DSE: variants seen among roughly 807,000 people sequenced by gnomAD.
DSE encodes dermatan-sulfate epimerase.
In DSE, 36 loss-of-function variants were observed where a neutral mutation model predicts 84.4. The observed-to-expected ratio is 0.43, with a 90% CI of 0.33 to 0.56. The LOEUF (loss-of-function observed/expected upper bound fraction) is 0.56. Among genes scored for constraint, DSE ranks in the 20% least tolerant of loss-of-function variants. The pLI is 0.06. For synonymous variants in DSE, 410 were observed against 430.1 expected (o/e 0.95, Z 0.58); for missense variants, 862 against 1,169.6 (o/e 0.74, Z 3.84).
chr6:116,416,702 G>A (rs1782737524), intron 2 of DSE, among the ~76,000 whole-genome samples: 1 of 151,572 alleles, frequency 6.6e-6, no homozygotes, highest in African/African-American at 2.4e-5. Context: ...CCATCATCCT[G>A]GCTATTCTTG....
chr6:116,416,094 A>G (rs992405721), intron 2 of DSE, among the ~76,000 whole-genome samples: 3 of 152,150 alleles, frequency 2.0e-5, no homozygotes, highest in African/African-American at 7.2e-5. Flanking sequence ...CCACCTTCAA[A>G]GCTAGCAACC....
chr6:116,437,336 A>G lies in DSE; in HGVS notation c.2868A>G (p.Ser956=). The G allele has an allele frequency of 6.2e-7, 1 of 1,608,524 alleles. No homozygotes were observed. The highest frequency in any genetic ancestry group is 1.3e-5 in the African/African-American group (1 of 74,786). Residue 956 remains serine (S), a synonymous_variant, in exon 6 of 6, where the codon TCA becomes TCG. Coordinates refer to ENST00000644252, the MANE Select transcript of DSE (RefSeq NM_013352.4). ...GGTTGTACTCTTCTTGTTCCCAATC[A>G]CAGTGTTAGCACTGAAGCTATAAAT... ...LLWLYSSCSQ[S]QC
At position 116,395,269 on chromosome 6, in the gene DSE, C is replaced by T. The variant is rs758162918; in HGVS notation, c.-53-3929C>T. Among the ~76,000 whole-genome samples, 3 of 152,124 alleles carry T rather than the reference C, an allele frequency of 2.0e-5. 1 individual carries two copies. Among genetic ancestry groups the T allele is most frequent in the Non-Finnish European group, 4.4e-5 (3 of 68,002 alleles). The stretch of plus-strand genomic sequence containing the variant: ...TGAAACCCCATCTCTACTAAAAATA[C>T]AAAATATTAGCTGGGCATGGTGGTG... On this transcript the variant is annotated intron_variant, in intron 1 of 5. Coordinates refer to ENST00000644252, the MANE Select transcript of DSE (RefSeq NM_013352.4).
chr6:116,275,529 G>A (rs2498702), intron 2 of DSE, among the ~76,000 whole-genome samples: 3,342 of 152,236 alleles, frequency 0.022, 136 homozygotes, highest in African/African-American at 0.077. Context: ...GGCTGGGTGC[G>A]GTGGCTCACG....
intron 2 of DSE, among the ~76,000 whole-genome samples, chr6:116,354,062 TA>T (rs561661220): frequency 9.8e-5 from 15 of 152,300 alleles, no homozygotes; most frequent in Admixed American, 2.6e-4. Context: ...AATGTACACC[TA>T]TATCTACAGC....
intron 2 of DSE, among the ~76,000 whole-genome samples, chr6:116,285,781 C>G (rs1773861914): frequency 1.3e-5 from 2 of 152,122 alleles, no homozygotes. Context: ...ATAGGGAATC[C>G]TTTTCCCATT....
chr6:116,258,725 C>A (rs771319797), exon 2 of DSE: 1 of 1,606,482 alleles, frequency 6.2e-7, no homozygotes, highest in Non-Finnish European at 8.5e-7. Flanking sequence ...ACAGTCCCGG[C>A]GCACCCAATG....
chr6:116,279,203 A>G (rs1582928268), intron 2 of DSE: 3 of 1,609,998 alleles, frequency 1.9e-6, no homozygotes, highest in Non-Finnish European at 2.5e-6. Flanking sequence ...TCCTCCTCCA[A>G]TCTATCCTCC....
intron 2 of DSE, chr6:116,401,174 A>G (rs1367751407): frequency 1.3e-5 from 2 of 152,160 alleles, no homozygotes; most frequent in Non-Finnish European, 2.9e-5. Flanking sequence ...CAGTTTTCTC[A>G]TTATAATGTA....
At chr6:116,384,719 G>A (rs936822707) in intron 1 of DSE, among the ~76,000 whole-genome samples, 7 of 151,924 alleles carry the variant, frequency 4.6e-5, no homozygotes, top group African/African-American at 9.7e-5. Flanking sequence ...ACCTCTTGAC[G>A]CAGTTAAATT....
intron 2 of DSE, among the ~76,000 whole-genome samples, chr6:116,318,875 A>G (rs1337553953): frequency 6.6e-6 from 1 of 152,216 alleles, no homozygotes; most frequent in Admixed American, 6.5e-5. Context: ...GAAATGTCTA[A>G]GAAAACTGTG....
chr6:116,410,919 G>T (rs1257796223), intron 2 of DSE, among the ~76,000 whole-genome samples: 1 of 152,060 alleles, frequency 6.6e-6, no homozygotes, highest in Non-Finnish European at 1.5e-5. Context: ...CTTGACAGTT[G>T]TATTTGAGGG....
Position 116,436,312 on chromosome 6 carries a change from A to G in DSE, c.1844A>G (p.Lys615Arg). ...ATCAGGCAGAGAGATGGTCTCTATA[A>G]AATGTACTGGATGGACGATACTGGC... ...AFIRQRDGLY[K>R]MYWMDDTGYS... The change falls in exon 6 of 6, where the codon AAA (lysine) becomes AGA (arginine). Residue 615 changes from lysine (K) to arginine (R), a missense_variant. Physicochemically the swap from Lys to Arg is conservative, Grantham distance 26. Around this residue, in one of 4 missense-constraint regions of DSE, gnomAD observed 186 missense variants for 255.1 expected, o/e 0.73. Transcript: ENST00000644252. 6.2e-7 allele frequency: 1 copy of G among 1,614,088 alleles called. No homozygotes were observed. The highest frequency in any genetic ancestry group is 8.5e-7 in the Non-Finnish European group (1 of 1,180,002).
rs182491949 is a variant in DSE at position 116,420,107 on chromosome 6, A to G, written c.417-6467A>G. Among the ~76,000 whole-genome samples, 511 of 152,324 alleles carry G rather than the reference A, an allele frequency of 3.4e-3. 4 individuals carry two copies. Among genetic ancestry groups the G allele is most frequent in the Middle Eastern group, 0.031 (9 of 292 alleles). ...GGGAATTATGAGTTCTATTGTTTCT[A>G]GTATTTGTTTCTTGTATACTGTTGA... is the stretch of plus-strand genomic sequence containing the variant. On this transcript the variant is annotated intron_variant, in intron 2 of 5. Transcript: ENST00000644252.
rs543254976 is a variant in DSE at position 116,264,788 on chromosome 6, G to A, written c.-54+5821G>A. Among the ~76,000 whole-genome samples the A allele has an allele frequency of 4.6e-5, 7 of 152,202 alleles. No individual in the cohort carries two copies. In the South Asian group the frequency reaches 1.0e-3, roughly 23 times the overall value. Reference sequence around the variant, plus strand: ...TATTTGATGAACTTGAGCATTTGTGGTGTAAGGTGGACTCAGCCAACTGGC... The same window carrying A: ...TATTTGATGAACTTGAGCATTTGTGATGTAAGGTGGACTCAGCCAACTGGC... On this transcript the variant is annotated intron_variant, in intron 2 of 3. Transcript: ENST00000430252.
upstream of DSE, chr6:116,366,964 C>A (rs1176023263): frequency 6.6e-6 from 1 of 152,102 alleles, no homozygotes; most frequent in Non-Finnish European, 1.5e-5. Flanking sequence ...AGGTGGAATT[C>A]AATTATTATT....
At chr6:116,277,388 C>G (rs1189944019) in intron 2 of DSE, 2 of 152,610 alleles carry the variant, frequency 1.3e-5, no homozygotes, top group Non-Finnish European at 2.9e-5. Flanking sequence ...CACTCTAGGC[C>G]CAATTTTTAC....
intron 2 of DSE, among the ~76,000 whole-genome samples, chr6:116,354,839 A>G (rs917149933): frequency 3.3e-5 from 5 of 152,172 alleles, no homozygotes; most frequent in East Asian, 3.8e-4. Flanking sequence ...ATTACTTTTT[A>G]TAATAAAATA....
chr6:116,422,657 T>C (rs920153801), intron 2 of DSE, among the ~76,000 whole-genome samples: 6 of 152,198 alleles, frequency 3.9e-5, no homozygotes, highest in African/African-American at 1.4e-4. Flanking sequence ...CATTTTTAAA[T>C]AAAATTGGCT....
Sources: gnomAD v4.1 joint callset for allele counts (sites outside exome capture counted in the v4.1 genomes callset) on GRCh38, gnomAD v4.1.1 for gene constraint, gnomAD v4.1.1 regional missense constraint, MANE v1.5 for transcripts, NCBI Gene and HGNC (gene_info 2026-07-23, HGNC 2026-07-21) for gene names.